MACROD2: variants seen among roughly 807,000 people sequenced by gnomAD.
MACROD2 encodes ADP-ribose glycohydrolase MACROD2.
MACROD2 carries 36 observed loss-of-function variants against 70.4 expected under a neutral mutation model. That is an observed-to-expected ratio of 0.51 (90% CI 0.39 to 0.68). The LOEUF (loss-of-function observed/expected upper bound fraction) is 0.68. Among genes scored for constraint, MACROD2 ranks in the 30% least tolerant of loss-of-function variants. The probability of loss-of-function intolerance (pLI) is 0.00; values close to 1 mark genes in which losing one functional copy is unlikely to be tolerated. For missense variants in MACROD2, 496 were observed against 538.4 expected, an observed-to-expected ratio of 0.92 and a Z score of 0.78; for synonymous variants, 172 against 178.8, an observed-to-expected ratio of 0.96 and a Z score of 0.30.
chr20:15,953,532 A>C (rs1363079891), intron 12 of MACROD2, among the ~76,000 whole-genome samples: 1 of 152,198 alleles, frequency 6.6e-6, no homozygotes, highest in African/African-American at 2.4e-5. Flanking sequence ...TTTCATGTAA[A>C]AATTTAGCTA....
intron 6 of MACROD2, among the ~76,000 whole-genome samples, chr20:15,285,827 A>T (rs1036424823): frequency 5.9e-5 from 9 of 152,188 alleles, no homozygotes; most frequent in Non-Finnish European, 1.3e-4. Flanking sequence ...CTACTATGAA[A>T]GTTAGCTTTC....
At chr20:16,028,133 T>C (rs764783547) in intron 15 of MACROD2, among the ~76,000 whole-genome samples, 5 of 152,220 alleles carry the variant, frequency 3.3e-5, no homozygotes, top group Non-Finnish European at 7.4e-5. Context: ...AACTGACTCA[T>C]CCATCTAGTT....
intron 6 of MACROD2, among the ~76,000 whole-genome samples, chr20:15,273,152 G>T (rs2077360322): frequency 6.6e-6 from 1 of 152,136 alleles, no homozygotes; most frequent in South Asian, 2.1e-4. Context: ...TCAGTGGGCT[G>T]GGGAAGGCAG....
chr20:16,012,577 A>G (rs2066877417), intron 15 of MACROD2, among the ~76,000 whole-genome samples: 1 of 152,216 alleles, frequency 6.6e-6, no homozygotes, highest in Non-Finnish European at 1.5e-5. Flanking sequence ...CAATGACTAC[A>G]ATGGTAATCT....
chr20:15,109,616 A>G (rs200952957), intron 5 of MACROD2, among the ~76,000 whole-genome samples: 4,893 of 152,206 alleles, frequency 0.032, 132 homozygotes, highest in South Asian at 0.11. Flanking sequence ...AAGGTAGGGG[A>G]TTAGAAAAAG....
chr20:14,934,280 A>G lies in MACROD2; in HGVS notation c.418+249321A>G, dbSNP rs556462232. On this transcript the variant is annotated intron_variant, in intron 5 of 17. Coordinates refer to ENST00000684519, the MANE Select transcript of MACROD2 (RefSeq NM_001351661.2). ...GATTTGTATGGAGAGCCATGGGACTATCACCCCTATTCTAGACACATAATA... is the reference window on the plus strand; with the variant it reads ...GATTTGTATGGAGAGCCATGGGACTGTCACCCCTATTCTAGACACATAATA... Among the ~76,000 whole-genome samples, 4 of 152,286 alleles carry G rather than the reference A, an allele frequency of 2.6e-5. No homozygotes were observed. The South Asian group carries it at 8.3e-4, about 32-fold the overall frequency.
chr20:15,187,755 C>G (rs1238071825), intron 5 of MACROD2, among the ~76,000 whole-genome samples: 1 of 152,108 alleles, frequency 6.6e-6, no homozygotes, highest in Non-Finnish European at 1.5e-5. Context: ...TTACATTTCT[C>G]CTTTAAGGGT....
At chr20:15,298,717 A>G (rs1001150371) in intron 6 of MACROD2, among the ~76,000 whole-genome samples, 2 of 152,154 alleles carry the variant, frequency 1.3e-5, no homozygotes, top group African/African-American at 4.8e-5. Context: ...ATTCCCTTTA[A>G]CACTTTATTT....
At chr20:15,526,713 C>G (rs925538362) in intron 8 of MACROD2, among the ~76,000 whole-genome samples, 1 of 152,126 alleles carries the variant, frequency 6.6e-6, no homozygotes, top group African/African-American at 2.4e-5. Flanking sequence ...ATGAGTAAAA[C>G]CATATTGGGC....
At chr20:15,490,064 C>T (rs144017305) in intron 7 of MACROD2, among the ~76,000 whole-genome samples, 1 of 152,248 alleles carries the variant, frequency 6.6e-6, no homozygotes, top group East Asian at 1.9e-4. Context: ...AACTGCCTTA[C>T]TGGGTTATAT....
chr20:15,672,257 C>T (rs1048190041), intron 8 of MACROD2, among the ~76,000 whole-genome samples: 4 of 151,890 alleles, frequency 2.6e-5, no homozygotes, highest in Admixed American at 6.6e-5. Context: ...AGAAATTCTT[C>T]ATTCCTCCTG....
intron 9 of MACROD2, among the ~76,000 whole-genome samples, chr20:15,866,022 G>A (rs916846276): frequency 6.6e-6 from 1 of 152,142 alleles, no homozygotes; most frequent in African/African-American, 2.4e-5. Flanking sequence ...GGAACAAGTG[G>A]AACATATCAC....
rs146978294 is a variant in MACROD2 at position 14,625,582 on chromosome 20, A to G, written c.302-59261A>G. Among the ~76,000 whole-genome samples the G allele has an allele frequency of 3.4e-3, 511 of 152,296 alleles. 5 individuals are homozygous for G. The highest frequency in any genetic ancestry group is 8.7e-3 in the African/African-American group (362 of 41,576). On this transcript the variant is annotated intron_variant, in intron 4 of 17. Coordinates refer to ENST00000684519, the MANE Select transcript of MACROD2 (RefSeq NM_001351661.2). ...ATGGTGAAAAAGACAGAGTCCATGA[A>G]TGGGCCATATGGCATGTATTCCCAC...
chr20:15,133,032 T>G lies in MACROD2; in HGVS notation c.419-96908T>G, dbSNP rs1166060019. On this transcript the variant is annotated intron_variant, in intron 5 of 17. Transcript: ENST00000684519. ...AAACCTGTATCCCTATCTTAATTTC[T>G]ACCTTAAAATAAATTCCAGATGGAA... Among the ~76,000 whole-genome samples, 8 of 152,134 alleles carry G rather than the reference T, an allele frequency of 5.3e-5. No individual in the cohort carries two copies. The East Asian group carries it at 1.5e-3, about 29-fold the overall frequency.
At chr20:15,018,255 G>A (rs557076638) in intron 5 of MACROD2, among the ~76,000 whole-genome samples, 17 of 152,054 alleles carry the variant, frequency 1.1e-4, no homozygotes, top group Admixed American at 1.0e-3. Flanking sequence ...AAACCTTTAG[G>A]GTAGGGGCAA....
intron 5 of MACROD2, among the ~76,000 whole-genome samples, chr20:14,724,101 T>C (rs2071501028): frequency 6.6e-6 from 1 of 152,194 alleles, no homozygotes; most frequent in Admixed American, 6.6e-5. Flanking sequence ...TAACATTCAA[T>C]TTTGAGACAT....
chr20:14,910,962 A>G (rs2074019653), intron 5 of MACROD2, among the ~76,000 whole-genome samples: 1 of 152,210 alleles, frequency 6.6e-6, no homozygotes, highest in African/African-American at 2.4e-5. Context: ...TGAAAATTAA[A>G]GTTTCATGAA....
At chr20:15,404,248 T>C (rs570147655) in intron 6 of MACROD2, among the ~76,000 whole-genome samples, 2 of 152,356 alleles carry the variant, frequency 1.3e-5, no homozygotes, top group South Asian at 4.1e-4. Context: ...TTTGATTTTA[T>C]GTAAAATGCA....
intron 7 of MACROD2, among the ~76,000 whole-genome samples, chr20:15,495,898 G>T (rs1475841310): frequency 6.6e-6 from 1 of 152,182 alleles, no homozygotes; most frequent in Non-Finnish European, 1.5e-5. Context: ...AAATAAAATG[G>T]ATATACACTA....
Sources: allele counts gnomAD v4.1 joint callset (sites outside exome capture counted in the v4.1 genomes callset), GRCh38; gene constraint gnomAD v4.1.1; transcripts MANE v1.5; gene names NCBI Gene and HGNC (gene_info 2026-07-23, HGNC 2026-07-21).